The following TRABD2B variants were observed in gnomAD, a reference collection of about 807,000 sequenced individuals.
The protein encoded by TRABD2B is metalloprotease TIKI2.
In TRABD2B, 14 loss-of-function variants were observed where a neutral mutation model predicts 40.1. The observed-to-expected ratio is 0.35, with a 90% CI of 0.23 to 0.55. TRABD2B has a LOEUF of 0.55. Among genes scored for constraint, TRABD2B ranks in the 20% least tolerant of loss-of-function variants. The pLI, the probability that TRABD2B is intolerant of heterozygous loss-of-function variation, is 0.90. For synonymous variants in TRABD2B, 263 were observed against 277.0 expected, an observed-to-expected ratio of 0.95 and a Z score of 0.50; for missense variants, 541 against 648.6, an observed-to-expected ratio of 0.83 and a Z score of 1.80.
chr1:47,891,078 C>T (rs186849637), intron 2 of TRABD2B, among the ~76,000 whole-genome samples: 28 of 152,316 alleles, frequency 1.8e-4, no homozygotes, highest in Admixed American at 9.8e-4. Context: ...GGACAAGTTG[C>T]TTAATCTCTG....
chr1:47,960,064 C>A (rs897053965), intron 2 of TRABD2B, among the ~76,000 whole-genome samples: 1 of 152,032 alleles, frequency 6.6e-6, no homozygotes, highest in Non-Finnish European at 1.5e-5. Context: ...TCAACATATG[C>A]AAATCAATAA....
intron 6 of TRABD2B, among the ~76,000 whole-genome samples, chr1:47,773,494 T>A (rs12126670): frequency 0.027 from 4,116 of 152,330 alleles, 94 homozygotes; most frequent in Non-Finnish European, 0.039. Context: ...TGGTGGGAGA[T>A]AATTGAATCA....
rs1305145296 is a variant in TRABD2B, at chr1:47,762,870, A to G, written c.*3032T>C. The G allele has an allele frequency of 6.6e-6, 1 of 152,150 alleles. No homozygotes were observed. Among genetic ancestry groups the G allele is most frequent in the Non-Finnish European group, 1.5e-5 (1 of 68,032 alleles). The allele number at this position is 152,150 out of a possible 1,614,324, so 9.4% of individuals were successfully genotyped here. A position where few individuals can be genotyped will look rare whatever the true frequency, so the allele number is the denominator to read the frequency against. The stretch of plus-strand genomic sequence containing the variant: ...AACATGCCCCAGAGAGCCCTTCATC[A>G]CACAGTCAGCTTTCGTGAGAGGTAG... On this transcript the variant is annotated 3_prime_UTR_variant, in exon 7 of 7. Coordinates refer to ENST00000606738, the MANE Select transcript of TRABD2B (RefSeq NM_001194986.2).
intron 4 of TRABD2B, among the ~76,000 whole-genome samples, chr1:47,790,365 C>T (rs1644654446): frequency 6.6e-6 from 1 of 152,156 alleles, no homozygotes; most frequent in East Asian, 1.9e-4. Context: ...TCTGGGCTTG[C>T]ACACTGGCCA....
intron 2 of TRABD2B, among the ~76,000 whole-genome samples, chr1:47,968,044 A>C (rs1645628132): frequency 1.3e-5 from 2 of 152,254 alleles, no homozygotes; most frequent in African/African-American, 4.8e-5. Context: ...TGCATAATGC[A>C]ATGATGAGCA....
chr1:47,958,651 G>C (rs1557680322), intron 2 of TRABD2B, among the ~76,000 whole-genome samples: 1 of 151,962 alleles, frequency 6.6e-6, no homozygotes, highest in Non-Finnish European at 1.5e-5. Context: ...AATTCAACAA[G>C]GAGAGCTAAC....
Position 47,765,508 on chromosome 1 carries a change from G to C in TRABD2B, c.*394C>G. ...TCGGAGAAGCCAAACCCAGACCCAG[G>C]AGGCTTCGGTGATCCAAGAGCAAGC... On this transcript the variant is annotated 3_prime_UTR_variant, in exon 7 of 7. Transcript: ENST00000606738. 1 of 182,860 alleles carries C rather than the reference G, an allele frequency of 5.5e-6. No individual in the cohort carries two copies. Among genetic ancestry groups the C allele is most frequent in the South Asian group, 1.1e-4 (1 of 8,702 alleles). The allele number at this position is 182,860 out of a possible 1,614,324, so 11.3% of individuals were successfully genotyped here.
At chr1:47,985,140 C>T (rs1645902656) in intron 2 of TRABD2B, among the ~76,000 whole-genome samples, 1 of 152,214 alleles carries the variant, frequency 6.6e-6, no homozygotes, top group African/African-American at 2.4e-5. Context: ...GCTTATGTAA[C>T]TACCCCAAGG....
At chr1:47,932,399 G>A (rs1645051561) in intron 2 of TRABD2B, among the ~76,000 whole-genome samples, 1 of 152,202 alleles carries the variant, frequency 6.6e-6, no homozygotes, top group Non-Finnish European at 1.5e-5. Context: ...GGATTGGATT[G>A]AGAAGACAAT....
chr1:47,890,895 C>T (rs936526434), intron 2 of TRABD2B, among the ~76,000 whole-genome samples: 4 of 152,236 alleles, frequency 2.6e-5, no homozygotes, highest in Non-Finnish European at 5.9e-5. Context: ...GTTTATGGGG[C>T]TGTCCTTGGC....
At chr1:47,840,825 C>A (rs1216823531) in intron 2 of TRABD2B, among the ~76,000 whole-genome samples, 1 of 152,132 alleles carries the variant, frequency 6.6e-6, no homozygotes, top group Admixed American at 6.5e-5. Flanking sequence ...AAATTTGCTG[C>A]TTAAGTTTAA....
chr1:47,830,438 G>A (rs1051129283), intron 2 of TRABD2B, among the ~76,000 whole-genome samples: 15 of 152,238 alleles, frequency 9.9e-5, no homozygotes, highest in African/African-American at 3.6e-4. Flanking sequence ...AACCCACCAA[G>A]CTGGGAATCA....
At chr1:47,953,954 G>A (rs111593053) in intron 2 of TRABD2B, among the ~76,000 whole-genome samples, 3,275 of 152,208 alleles carry the variant, frequency 0.022, 54 homozygotes, top group South Asian at 0.066. Flanking sequence ...CTGAGTGGCC[G>A]ACTCTTTTTC....
chr1:47,942,476 A>G (rs1322072134), intron 2 of TRABD2B, among the ~76,000 whole-genome samples: 1 of 152,134 alleles, frequency 6.6e-6, no homozygotes, highest in African/African-American at 2.4e-5. Context: ...CAGACCAAGT[A>G]GGGTTCAGGC....
At chr1:47,766,129 CAG>C in intron 6 of TRABD2B, 23 bp from the exon 7 acceptor site, 1 of 701,372 alleles carries the variant, frequency 1.4e-6, no homozygotes, top group South Asian at 1.5e-5. Context: ...AAGCACATGG[CAG>C]AGTCACCATC....
At position 47,813,208 on chromosome 1, in the gene TRABD2B, C is replaced by T. The variant is rs1222250699; in HGVS notation, c.667-11589G>A. On this transcript the variant is annotated intron_variant, in intron 2 of 6. Transcript: ENST00000606738. The surrounding 1 kb of genome is among the most constrained non-coding windows in gnomAD (Gnocchi z 4.3). ...AATTCCTAGAGGGCCCCTCTAATTC[C>T]TCTGGTCTGACCACATAGCAATTAC... 6.6e-6 allele frequency among the ~76,000 whole-genome samples: 1 copy of T among 152,178 alleles called. No homozygotes were observed. The highest frequency in any genetic ancestry group is 2.4e-5 in the African/African-American group (1 of 41,434).
intron 2 of TRABD2B, among the ~76,000 whole-genome samples, chr1:47,853,456 C>T (rs528935099): frequency 5.3e-4 from 81 of 152,300 alleles, no homozygotes; most frequent in African/African-American, 1.9e-3. Flanking sequence ...GGTCACTGAA[C>T]TTGGAGGCTG....
At chr1:47,916,740 C>T (rs562719828) in intron 2 of TRABD2B, among the ~76,000 whole-genome samples, 1 of 152,296 alleles carries the variant, frequency 6.6e-6, no homozygotes, top group East Asian at 1.9e-4. Context: ...GGGGCTTGCA[C>T]CCCCTCTTCT....
At chr1:47,900,718 C>T (rs1438258993) in intron 2 of TRABD2B, among the ~76,000 whole-genome samples, 1 of 152,052 alleles carries the variant, frequency 6.6e-6, no homozygotes, top group Non-Finnish European at 1.5e-5. Flanking sequence ...CTAAGTGCTC[C>T]GACTATGGCC....
Sources: gnomAD v4.1 joint callset for allele counts (sites outside exome capture counted in the v4.1 genomes callset) on GRCh38, gnomAD v4.1.1 for gene constraint, Gnocchi (gnomAD v3.1) non-coding constraint, MANE v1.5 for transcripts, NCBI Gene and HGNC (gene_info 2026-07-23, HGNC 2026-07-21) for gene names.